The following GUCY1A1 variants were observed in gnomAD, a reference collection of about 807,000 sequenced individuals.
GUCY1A1 encodes guanylate cyclase 1 soluble subunit alpha 1.
Under a neutral mutation model 64.5 loss-of-function variants are expected in GUCY1A1, and 48 were observed. That is an observed-to-expected ratio of 0.74 (90% confidence interval 0.59 to 0.95). GUCY1A1 has a LOEUF of 0.95. Ranked by LOEUF, GUCY1A1 falls within the 40% of genes least tolerant of loss-of-function variation. The probability of loss-of-function intolerance (pLI) is 0.00; values close to 1 mark genes in which losing one functional copy is unlikely to be tolerated. For synonymous variants in GUCY1A1, 308 were observed against 303.4 expected (o/e 1.02, Z -0.16); for missense variants, 804 against 825.3 (o/e 0.97, Z 0.32).
intron 2 of GUCY1A1, among the ~76,000 whole-genome samples, chr4:155,678,523 A>G (rs541465258): frequency 1.4e-4 from 22 of 152,334 alleles, no homozygotes; most frequent in South Asian, 1.2e-3. Context: ...GGAATGTTCT[A>G]TTCTCATCAC....
At chr4:155,667,990 GGCAGCCGGCTAACT>G (rs1423688546) in intron 2 of GUCY1A1, 1 of 152,308 alleles carries the variant, frequency 6.6e-6, no homozygotes, top group East Asian at 1.9e-4. Context: ...GCCCAGAGAA[GGCAGCCGGCTAACT>G]GCCCAGCGGC....
chr4:155,700,257 A>G (rs1730911395), intron 3 of GUCY1A1, among the ~76,000 whole-genome samples: 1 of 152,188 alleles, frequency 6.6e-6, no homozygotes, highest in African/African-American at 2.4e-5. Flanking sequence ...CATAAATGAT[A>G]AGATCCCAAA....
At position 155,733,443 on chromosome 4, in the gene GUCY1A1, A is replaced by C. The variant is rs1339579705; in HGVS notation, c.*3212A>C. Among the ~76,000 whole-genome samples the C allele has an allele frequency of 6.6e-6, 1 of 151,744 alleles. No homozygotes were observed. Among genetic ancestry groups the C allele is most frequent in the African/African-American group, 2.4e-5 (1 of 41,368 alleles). On this transcript the variant is annotated 3_prime_UTR_variant, in exon 10 of 10. Transcript: ENST00000506455. ...GGGAGGAGAATAAGGACAAAAGACC[A>C]TCTGGGCAAAAATCACGAAGGGGTA...
rs1732838131 is a variant in GUCY1A1, at chr4:155,713,393, A to T, written c.1382A>T (p.Glu461Val). The change falls in exon 7 of 10, where the codon GAG (glutamate) becomes GTG (valine). Residue 461 changes from glutamate to valine, a missense_variant. Physicochemically the swap from Glu to Val is moderately radical, Grantham distance 121 (BLOSUM62 -2). Coordinates refer to ENST00000506455, the MANE Select transcript of GUCY1A1 (RefSeq NM_001130682.3). The stretch of plus-strand genomic sequence containing the variant: ...CTTCTGTGCTCCATATTTCCCTGTG[A>T]GGTTGCTCAGCAGCTGTGGCAAGGG... ...VDLLCSIFPCEVAQQLWQGQV... is the reference protein window; with the variant it reads ...VDLLCSIFPCVVAQQLWQGQV... 3 of 1,614,132 alleles carry T rather than the reference A, an allele frequency of 1.9e-6. No homozygotes were observed. The highest frequency in any genetic ancestry group is 2.5e-6 in the Non-Finnish European group (3 of 1,179,992).
intron 9 of GUCY1A1, among the ~76,000 whole-genome samples, chr4:155,727,586 A>T (rs527965323): frequency 1.3e-5 from 2 of 151,646 alleles, no homozygotes; most frequent in African/African-American, 2.4e-5. Flanking sequence ...TAATAGATAA[A>T]TTTTTTTAAT....
chr4:155,691,934 C>G (rs1307750590), intron 2 of GUCY1A1, among the ~76,000 whole-genome samples: 1 of 152,104 alleles, frequency 6.6e-6, no homozygotes, highest in African/African-American at 2.4e-5. Flanking sequence ...TCTTGATCCC[C>G]TCCCTCCTTT....
intron 1 of GUCY1A1, 129 bp from the exon 2 acceptor site, chr4:155,667,217 A>G (rs573272012): frequency 6.6e-6 from 1 of 152,028 alleles, no homozygotes; most frequent in South Asian, 2.1e-4. Flanking sequence ...TGAGCGACCC[A>G]AGCGTAAGTG....
Position 155,735,587 on chromosome 4 carries a change from T to C in GUCY1A1, c.*5356T>C, listed in dbSNP as rs1289201181. On this transcript the variant is annotated 3_prime_UTR_variant, in exon 10 of 10. Transcript: ENST00000506455. ...AGAAAATTAAATCACAAATGAGCCT[T>C]CCAGATTGTGAGGAAAATTACTTGG... 6.6e-6 allele frequency: 1 copy of C among 151,944 alleles called. No individual in the cohort carries two copies. The highest frequency in any genetic ancestry group is 2.4e-5 in the African/African-American group (1 of 41,402). The allele number at this position is 151,944 out of a possible 1,614,324, so 9.4% of individuals were successfully genotyped here.
intron 7 of GUCY1A1, among the ~76,000 whole-genome samples, chr4:155,715,888 T>C (rs1019286122): frequency 1.3e-5 from 2 of 152,076 alleles, no homozygotes; most frequent in African/African-American, 4.8e-5. Context: ...TAAGTCAGTA[T>C]AATAATGTGA....
In GUCY1A1 at chr4:155,723,375, A is replaced by G. The variant is rs532502109; in HGVS notation, c.1871+1183A>G. ...CTTTATTTTCACTGTCGCCTTGACA[A>G]CATGTAGTATACAGCCTGAGTCAAT... On this transcript the variant is annotated intron_variant, in intron 9 of 9. Coordinates refer to ENST00000506455, the MANE Select transcript of GUCY1A1 (RefSeq NM_001130682.3). Among the ~76,000 whole-genome samples the G allele has an allele frequency of 8.2e-4, 125 of 152,282 alleles. 1 individual carries two copies. In the South Asian group the frequency reaches 0.025, roughly 31 times the overall value.
Position 155,713,601 on chromosome 4 carries a change from A to G in GUCY1A1, c.1572+18A>G, listed in dbSNP as rs201681077. On this transcript the variant is annotated intron_variant, in intron 7 of 9. Coordinates refer to ENST00000506455, the MANE Select transcript of GUCY1A1 (RefSeq NM_001130682.3). ...TCTACAAGGTAGGAGTGGACCAGGG[A>G]AATAATTGTTTTACCAGCAAACTCA... 96 of 1,603,368 alleles carry G rather than the reference A, an allele frequency of 6.0e-5. No homozygotes were observed. The highest frequency in any genetic ancestry group is 3.3e-4 in the Middle Eastern group (2 of 6,026).
At chr4:155,706,363 A>T (rs576627333) in intron 4 of GUCY1A1, among the ~76,000 whole-genome samples, 2 of 152,298 alleles carry the variant, frequency 1.3e-5, no homozygotes, top group Admixed American at 1.3e-4. Context: ...TCTTATTGGT[A>T]AGTCACTGCC....
chr4:155,681,543 T>C (rs1401894056), intron 2 of GUCY1A1, among the ~76,000 whole-genome samples: 1 of 152,190 alleles, frequency 6.6e-6, no homozygotes, highest in African/African-American at 2.4e-5. Flanking sequence ...TAAACATCTT[T>C]CTAATTTAAA....
Position 155,711,721 on chromosome 4 carries a change from G to T in GUCY1A1, c.1086+470G>T, listed in dbSNP as rs1732597824. On this transcript the variant is annotated intron_variant, in intron 6 of 9. Coordinates refer to ENST00000506455, the MANE Select transcript of GUCY1A1 (RefSeq NM_001130682.3). ...GAATGTGGAAGTTAAAACATATTCT[G>T]TCATCTCATGGTAGAGAGCTTTGGT... Among the ~76,000 whole-genome samples the T allele has an allele frequency of 2.0e-5, 3 of 152,158 alleles. No individual in the cohort carries two copies. The South Asian group carries it at 6.2e-4, about 32-fold the overall frequency.
intron 3 of GUCY1A1, among the ~76,000 whole-genome samples, chr4:155,698,314 T>C (rs1730671927): frequency 6.6e-6 from 1 of 152,218 alleles, no homozygotes; most frequent in East Asian, 1.9e-4. Context: ...CTTTGGCAGA[T>C]AACCTTTGAA....
At chr4:155,728,971 A>G (rs543210280) in intron 9 of GUCY1A1, among the ~76,000 whole-genome samples, 6 of 151,992 alleles carry the variant, frequency 3.9e-5, no homozygotes, top group Admixed American at 3.3e-4. Flanking sequence ...CATCATTTTC[A>G]TTAGTTTTAT....
chr4:155,729,582 A>C (rs1032266928), intron 9 of GUCY1A1, among the ~76,000 whole-genome samples: 2 of 151,770 alleles, frequency 1.3e-5, no homozygotes, highest in Non-Finnish European at 2.9e-5. Flanking sequence ...TTGGTTCACT[A>C]TTTCTTGCCC....
rs1445768906 is a variant in GUCY1A1 at position 155,733,409 on chromosome 4, G to A, written c.*3178G>A. On this transcript the variant is annotated 3_prime_UTR_variant, in exon 10 of 10. Transcript: ENST00000506455. The stretch of plus-strand genomic sequence containing the variant: ...TTCTGGACAGCCAGTTACCTGGGAT[G>A]AGTTGGGAGGGAGGAGAATAAGGAC... Among the ~76,000 whole-genome samples the A allele has an allele frequency of 6.6e-6, 1 of 151,722 alleles. No individual in the cohort carries two copies. Among genetic ancestry groups the A allele is most frequent in the Non-Finnish European group, 1.5e-5 (1 of 67,852 alleles).
At chr4:155,701,687 C>T (rs1207782409) in intron 3 of GUCY1A1, among the ~76,000 whole-genome samples, 1 of 151,762 alleles carries the variant, frequency 6.6e-6, no homozygotes. Context: ...ACTTGTAGTC[C>T]CAGCTACTTG....
Sources: gnomAD v4.1 joint callset for allele counts (sites outside exome capture counted in the v4.1 genomes callset) on GRCh38, gnomAD v4.1.1 for gene constraint, MANE v1.5 for transcripts, NCBI Gene and HGNC (gene_info 2026-07-23, HGNC 2026-07-21) for gene names.